Variants in DHX8 observed in about 807,000 individuals in gnomAD.
DHX8 encodes the protein DEAH-box helicase 8.
In DHX8, 67 loss-of-function variants were observed where a neutral mutation model predicts 140.7. That is an observed-to-expected ratio of 0.48 (90% CI 0.39 to 0.58). The LOEUF (loss-of-function observed/expected upper bound fraction) is 0.58, where lower values mean the gene tolerates loss of function less well. Among genes scored for constraint, DHX8 ranks in the 20% least tolerant of loss-of-function variants. The probability of loss-of-function intolerance (pLI) is 0.00; values close to 1 mark genes in which losing one functional copy is unlikely to be tolerated. For missense variants in DHX8, 887 were observed against 1,550.7 expected, an observed-to-expected ratio of 0.57 and a Z score of 7.19; for synonymous variants, 533 against 553.2, an observed-to-expected ratio of 0.96 and a Z score of 0.51.
chr17:43,505,495 A>G (rs1292972302), intron 12 of DHX8, among the ~76,000 whole-genome samples: 1 of 151,884 alleles, frequency 6.6e-6, no homozygotes, highest in Non-Finnish European at 1.5e-5. Context: ...CTTGAGCCTG[A>G]GAGGTCGCGG....
At chr17:43,506,504 A>C (rs1459498462) in intron 12 of DHX8, among the ~76,000 whole-genome samples, 1 of 151,898 alleles carries the variant, frequency 6.6e-6, no homozygotes, top group Admixed American at 6.5e-5. Flanking sequence ...TTGCAGTCCC[A>C]GCTACTTGGG....
chr17:43,490,352 T>A (rs780692201), intron 2 of DHX8, 39 bp from the exon 3 acceptor site: 2 of 1,535,510 alleles, frequency 1.3e-6, no homozygotes, highest in Non-Finnish European at 9.0e-7. Context: ...AGCACTGATA[T>A]GGGAGCTGAC....
In DHX8 at chr17:43,520,607, C is replaced by G. The variant is rs142320883; in HGVS notation, c.2938-144C>G. 24 of 941,424 alleles carry G rather than the reference C, an allele frequency of 2.5e-5. No individual in the cohort carries two copies. The African/African-American group carries it at 3.2e-4, about 12-fold the overall frequency. 58.3% of individuals were successfully genotyped at this position (941,424 alleles called of 1,614,324 possible). On this transcript the variant is annotated intron_variant, in intron 19 of 22. Coordinates refer to ENST00000262415, the MANE Select transcript of DHX8 (RefSeq NM_004941.3). ...TGGGAAAAGAATAAACAACAGCATT[C>G]TTCTGATAGAGAAAGGCATCCCAAG...
At chr17:43,501,725 TC>T (rs56041789) in intron 11 of DHX8, among the ~76,000 whole-genome samples, 36,298 of 150,748 alleles carry the variant, frequency 0.24, 4,450 homozygotes, top group Middle Eastern at 0.33. Flanking sequence ...CCTCAGGTGA[TC>T]CCCCCCCCAT....
At chr17:43,516,380 G>A (rs1321580971) in intron 17 of DHX8, among the ~76,000 whole-genome samples, 1 of 152,076 alleles carries the variant, frequency 6.6e-6, no homozygotes, top group Non-Finnish European at 1.5e-5. Context: ...CTTGCATTTT[G>A]CATTTAATGC....
chr17:43,515,160 C>T (rs1567694783), intron 17 of DHX8, among the ~76,000 whole-genome samples: 3 of 152,022 alleles, frequency 2.0e-5, no homozygotes, highest in African/African-American at 7.2e-5. Context: ...TATTTTGAAA[C>T]TTAAGTAATA....
intron 11 of DHX8, among the ~76,000 whole-genome samples, chr17:43,501,019 T>C (rs185804144): frequency 1.4e-4 from 22 of 152,310 alleles, no homozygotes; most frequent in African/African-American, 4.6e-4. Context: ...CAAATACTTA[T>C]TAATTTAATT....
chr17:43,522,269 A>G, intron 22 of DHX8, 43 bp downstream of exon 22: 1 of 1,562,802 alleles, frequency 6.4e-7, no homozygotes, highest in Non-Finnish European at 8.7e-7. Flanking sequence ...TTCTGGGCAG[A>G]GAAAAACCTG....
chr17:43,535,426 C>T (rs560567738), intron 2 of DHX8, among the ~76,000 whole-genome samples: 1 of 152,166 alleles, frequency 6.6e-6, no homozygotes, highest in African/African-American at 2.4e-5. Flanking sequence ...TACAGGTACA[C>T]GCCACCATGC....
downstream of DHX8, among the ~76,000 whole-genome samples, chr17:43,528,897 C>T (rs1239725234): frequency 1.3e-5 from 2 of 152,150 alleles, no homozygotes; most frequent in African/African-American, 4.8e-5. Context: ...CTGACTCTCC[C>T]TTCACAGTTC....
chr17:43,498,300 A>G (rs1968985408), intron 9 of DHX8, among the ~76,000 whole-genome samples: 1 of 151,748 alleles, frequency 6.6e-6, no homozygotes, highest in Non-Finnish European at 1.5e-5. Flanking sequence ...CTGTACCACC[A>G]AGCCCAGCTA....
At chr17:43,529,767 T>G, downstream of DHX8, 1 of 1,593,192 alleles carries the variant, frequency 6.3e-7, no homozygotes, top group Non-Finnish European at 8.6e-7. Context: ...CGAAGGGGTC[T>G]CCCCAGGTAC....
intron 1 of DHX8, among the ~76,000 whole-genome samples, chr17:43,487,658 T>G (rs976097946): frequency 3.9e-5 from 6 of 152,124 alleles, no homozygotes; most frequent in African/African-American, 1.4e-4. Flanking sequence ...GAAAGTAGCT[T>G]AATAAATAGC....
intron 3 of DHX8, among the ~76,000 whole-genome samples, chr17:43,539,527 A>T (rs1397053718): frequency 1.3e-5 from 2 of 152,342 alleles, no homozygotes; most frequent in East Asian, 1.9e-4. Flanking sequence ...AAGCTCTGTG[A>T]GGGCAAGAGC....
At chr17:43,542,680 CA>C (rs1971584159) in intron 3 of DHX8, among the ~76,000 whole-genome samples, 1 of 152,158 alleles carries the variant, frequency 6.6e-6, no homozygotes, top group Non-Finnish European at 1.5e-5. Context: ...ACTCACCCTT[CA>C]ACGCCCGGAC....
chr17:43,528,190 C>G (rs1185695081), downstream of DHX8: 4 of 271,046 alleles, frequency 1.5e-5, no homozygotes, highest in East Asian at 2.2e-4. Flanking sequence ...CCTTCTCTGT[C>G]CCCCAGAACA....
intron 1 of DHX8, among the ~76,000 whole-genome samples, chr17:43,487,225 T>G (rs1232048945): frequency 6.6e-6 from 1 of 152,228 alleles, no homozygotes; most frequent in Non-Finnish European, 1.5e-5. Flanking sequence ...TATTAACCAT[T>G]GACATTATCG....
At chr17:43,530,988 A>T (rs989772009), downstream of DHX8, among the ~76,000 whole-genome samples, 1 of 152,072 alleles carries the variant, frequency 6.6e-6, no homozygotes, top group Non-Finnish European at 1.5e-5. Flanking sequence ...AGGGCATGTA[A>T]CACAATCCCC....
chr17:43,537,900 G>A (rs1378198310), intron 3 of DHX8, among the ~76,000 whole-genome samples: 9 of 152,046 alleles, frequency 5.9e-5, no homozygotes, highest in East Asian at 1.9e-4. Context: ...AGGCTGAGGC[G>A]GGCAGATCAC....
Sources: allele counts gnomAD v4.1 joint callset (sites outside exome capture counted in the v4.1 genomes callset), GRCh38; gene constraint gnomAD v4.1.1; transcripts MANE v1.5; gene names NCBI Gene and HGNC (gene_info 2026-07-23, HGNC 2026-07-21).